The following GLIS3 variants were observed in gnomAD, a reference collection of about 807,000 sequenced individuals.
The protein encoded by GLIS3 is GLIS family zinc finger 3.
Under a neutral mutation model 78.6 loss-of-function variants are expected in GLIS3, and 53 were observed. That is an observed-to-expected ratio of 0.67 (90% confidence interval 0.54 to 0.85). The LOEUF is 0.85. Ranked by LOEUF, GLIS3 falls within the 40% of genes least tolerant of loss-of-function variation. The pLI, the probability that GLIS3 is intolerant of heterozygous loss-of-function variation, is 0.00. For missense variants in GLIS3, 1,703 were observed against 1,231.1 expected (o/e 1.38, Z -5.74); for synonymous variants, 684 against 509.9 (o/e 1.34, Z -4.60).
chr9:4,201,342 G>T (rs1343744283), intron 2 of GLIS3, among the ~76,000 whole-genome samples: 4 of 152,030 alleles, frequency 2.6e-5, no homozygotes, highest in Admixed American at 1.3e-4. Context: ...AAACCAATCA[G>T]ACAAGAGAAA....
At chr9:4,182,088 C>A (rs1817377832) in intron 2 of GLIS3, among the ~76,000 whole-genome samples, 1 of 152,196 alleles carries the variant, frequency 6.6e-6, no homozygotes, top group African/African-American at 2.4e-5. Context: ...TGAGCTATTA[C>A]ATGCCAACGA....
chr9:4,236,391 C>T (rs1475970428), intron 2 of GLIS3, among the ~76,000 whole-genome samples: 7 of 152,122 alleles, frequency 4.6e-5, no homozygotes, highest in Non-Finnish European at 2.9e-5. Context: ...AAACAGATTG[C>T]AATACTTAAG....
rs116333668 is a variant in GLIS3 at position 4,334,461 on chromosome 9, T to C, written n.264+12620A>G. Among the ~76,000 whole-genome samples the C allele has an allele frequency of 7.9e-3, 1,208 of 152,280 alleles. 18 individuals are homozygous for C. The highest frequency in any genetic ancestry group is 0.027 in the African/African-American group (1,119 of 41,538). On this transcript the variant is annotated intron_variant and non_coding_transcript_variant, in intron 2 of 4. Transcript: ENST00000471664. The stretch of plus-strand genomic sequence containing the variant: ...GTCCCCTCCACCCTTCCTGAAACAA[T>C]TGTAGTGCAAATGCATGTTCATTAA...
chr9:4,432,755 C>A, the GLIS3 span, among the ~76,000 whole-genome samples: 2 of 151,426 alleles, frequency 1.3e-5, no homozygotes, highest in South Asian at 4.2e-4. Context: ...ATTCTCCTGC[C>A]TCAGCCTCCC....
chr9:4,456,927 A>C, the GLIS3 span, among the ~76,000 whole-genome samples: 537 of 152,336 alleles, frequency 3.5e-3, 2 homozygotes, highest in African/African-American at 0.012. Flanking sequence ...TCACCATAAC[A>C]GATTAAATAA....
chr9:4,265,159 G>GCACTCC (rs1825874189), intron 2 of GLIS3, among the ~76,000 whole-genome samples: 1 of 138,292 alleles, frequency 7.2e-6, no homozygotes, highest in African/African-American at 2.7e-5. Context: ...GCAACAGAGT[G>GCACTCC]AGACGCCGTC....
intron 4 of GLIS3, among the ~76,000 whole-genome samples, chr9:3,995,145 G>C (rs1820644393): frequency 6.6e-6 from 1 of 152,098 alleles, no homozygotes; most frequent in African/African-American, 2.4e-5. Flanking sequence ...GACCTACAGA[G>C]TGAGGCAGTT....
chr9:3,874,656 G>A (rs1821186349), intron 8 of GLIS3, among the ~76,000 whole-genome samples: 1 of 152,158 alleles, frequency 6.6e-6, no homozygotes, highest in Non-Finnish European at 1.5e-5. Flanking sequence ...GAGAGTGTCA[G>A]GATAGGTTGC....
rs550051137 is a variant in GLIS3, at chr9:4,296,715, G to C, written c.-99+2706C>G. Among the ~76,000 whole-genome samples, 14 of 151,920 alleles carry C rather than the reference G, an allele frequency of 9.2e-5. No homozygotes were observed. The East Asian group carries it at 1.4e-3, about 15-fold the overall frequency. Reference sequence around the variant, plus strand: ...AAGGATTACTGAGTCTTCTGGGCAAGAAAAGAAAGCAATTACAAACTACCA... The same window carrying C: ...AAGGATTACTGAGTCTTCTGGGCAACAAAAGAAAGCAATTACAAACTACCA... On this transcript the variant is annotated intron_variant, in intron 1 of 10. Coordinates refer to ENST00000381971, the MANE Select transcript of GLIS3 (RefSeq NM_001042413.2).
chr9:4,080,752 C>T (rs1828489857), intron 4 of GLIS3, among the ~76,000 whole-genome samples: 1 of 152,146 alleles, frequency 6.6e-6, no homozygotes, highest in African/African-American at 2.4e-5. Context: ...AGAGAGAAGT[C>T]TAGGGGCATT....
Position 4,240,585 on chromosome 9 carries a change from C to G in GLIS3, c.388+45453G>C, listed in dbSNP as rs73643719. Among the ~76,000 whole-genome samples, 459 of 152,212 alleles carry G rather than the reference C, an allele frequency of 3.0e-3. 2 individuals carry two copies. The highest frequency in any genetic ancestry group is 0.01 in the African/African-American group (431 of 41,538). On this transcript the variant is annotated intron_variant, in intron 2 of 10. Transcript: ENST00000381971. ...ATTACAAGGGGGTACTAATATTACA[C>G]TTTATCTTCTTCACATAATCAATAT...
chr9:3,888,415 T>C (rs141189284), intron 7 of GLIS3, among the ~76,000 whole-genome samples: 75 of 152,300 alleles, frequency 4.9e-4, no homozygotes, highest in African/African-American at 1.7e-3. Context: ...TGAAGGCTTC[T>C]TGGAAACAGA....
intron 4 of GLIS3, among the ~76,000 whole-genome samples, chr9:3,991,960 G>C (rs964336187): frequency 2.6e-5 from 4 of 152,168 alleles, no homozygotes; most frequent in Non-Finnish European, 5.9e-5. Context: ...AAAGTGCTGG[G>C]ATTACAGGCA....
upstream of GLIS3, among the ~76,000 whole-genome samples, chr9:4,348,559 G>A (rs1817924303): frequency 6.6e-6 from 1 of 152,164 alleles, no homozygotes; most frequent in South Asian, 2.1e-4. Context: ...AAGGAGGCTG[G>A]GAGATGTGAC....
chr9:4,302,331 C>G (rs966100160), upstream of GLIS3, among the ~76,000 whole-genome samples: 4 of 152,216 alleles, frequency 2.6e-5, no homozygotes, highest in Non-Finnish European at 5.9e-5. Flanking sequence ...GTATGTGCCT[C>G]AACCGCTGAC....
At chr9:4,089,957 CT>C (rs1829358549) in intron 4 of GLIS3, among the ~76,000 whole-genome samples, 3 of 152,346 alleles carry the variant, frequency 2.0e-5, no homozygotes, top group African/African-American at 7.2e-5. Flanking sequence ...GTGCCTCCCA[CT>C]GTGTGCCATG....
chr9:4,030,945 C>T (rs1276936251), intron 4 of GLIS3, among the ~76,000 whole-genome samples: 3 of 152,090 alleles, frequency 2.0e-5, no homozygotes, highest in Non-Finnish European at 4.4e-5. Context: ...CAAATCAAAG[C>T]CACAATAAAT....
At chr9:4,053,646 A>G (rs1478006776) in intron 4 of GLIS3, among the ~76,000 whole-genome samples, 1 of 150,968 alleles carries the variant, frequency 6.6e-6, no homozygotes, top group Admixed American at 6.6e-5. Flanking sequence ...AAAAAAAAAA[A>G]AAAGAGCTAC....
At chr9:4,176,563 C>G (rs1816830103) in intron 2 of GLIS3, among the ~76,000 whole-genome samples, 1 of 151,930 alleles carries the variant, frequency 6.6e-6, no homozygotes, top group South Asian at 2.1e-4. Context: ...ATTTTTTTCA[C>G]TATTAAAAAA....
Sources: allele counts gnomAD v4.1 joint callset (sites outside exome capture counted in the v4.1 genomes callset), GRCh38; gene constraint gnomAD v4.1.1; transcripts MANE v1.5; gene names NCBI Gene and HGNC (gene_info 2026-07-23, HGNC 2026-07-21).